Variants in KCNAB1 observed in about 807,000 individuals in gnomAD.
KCNAB1 encodes potassium voltage-gated channel subfamily A regulatory beta subunit 1.
In KCNAB1, 35 loss-of-function variants were observed where a neutral mutation model predicts 64.6. The ratio of observed to expected loss-of-function variants is 0.54; its 90% CI spans 0.41 to 0.72. The LOEUF is 0.72. Ranked by LOEUF, KCNAB1 falls within the 30% of genes least tolerant of loss-of-function variation. KCNAB1 has a pLI of 0.00. For missense variants in KCNAB1, 401 were observed against 512.9 expected (o/e 0.78, Z 2.11); for synonymous variants, 177 against 183.8 (o/e 0.96, Z 0.30).
rs1017783362 is a variant in KCNAB1, at chr3:156,437,696, G to T, written c.320-15203G>T. On this transcript the variant is annotated intron_variant, in intron 2 of 13. Coordinates refer to ENST00000490337, the MANE Select transcript of KCNAB1 (RefSeq NM_172160.3). ...ATTTGCTGCCACTGGGATTTTTGCA[G>T]AAGGTTAGTAGTACTAATAAAATGA... 2.6e-4 allele frequency among the ~76,000 whole-genome samples: 39 copies of T among 152,164 alleles called. 1 individual carries two copies. The highest frequency in any genetic ancestry group is 8.9e-4 in the African/African-American group (37 of 41,428).
intron 3 of KCNAB1, among the ~76,000 whole-genome samples, chr3:156,454,683 C>T (rs896454833): frequency 2.0e-5 from 3 of 152,106 alleles, no homozygotes; most frequent in Non-Finnish European, 4.4e-5. Flanking sequence ...CTTGAAGTCC[C>T]ATACAAAATA....
chr3:156,382,994 C>G, intron 1 of KCNAB1, among the ~76,000 whole-genome samples: 1 of 152,204 alleles, frequency 6.6e-6, no homozygotes, highest in East Asian at 1.9e-4. Context: ...GCTAGATGAT[C>G]TTTCGGGTGC....
At chr3:156,157,333 A>G (rs986919047) in intron 1 of KCNAB1, among the ~76,000 whole-genome samples, 1 of 152,224 alleles carries the variant, frequency 6.6e-6, no homozygotes, top group Non-Finnish European at 1.5e-5. Context: ...ACTTATGAAC[A>G]TATAGAAAAA....
intron 2 of KCNAB1, among the ~76,000 whole-genome samples, chr3:156,440,272 A>G (rs527680875): frequency 9.8e-4 from 149 of 152,316 alleles, no homozygotes; most frequent in African/African-American, 3.4e-3. Flanking sequence ...GTCTCTAGTT[A>G]CCTAAATTTC....
Position 156,248,100 on chromosome 3 carries a change from C to T in KCNAB1, c.275+127214C>T, listed in dbSNP as rs886660404. Among the ~76,000 whole-genome samples the T allele has an allele frequency of 6.6e-5, 10 of 152,268 alleles. No homozygotes were observed. In the Middle Eastern group the frequency reaches 0.01, roughly 155 times the overall value. ...TGCTGTCACCTTGAGAAGACTTTGT[C>T]CCTCCTGTTAATTTCTCTTCCTTAA... On this transcript the variant is annotated intron_variant, in intron 1 of 13. Coordinates refer to ENST00000490337, the MANE Select transcript of KCNAB1 (RefSeq NM_172160.3).
rs1047966131 is a variant in KCNAB1, at chr3:156,211,952, C to G, written c.275+91066C>G. Among the ~76,000 whole-genome samples, 12 of 152,304 alleles carry G rather than the reference C, an allele frequency of 7.9e-5. No homozygotes were observed. In the East Asian group the frequency reaches 2.1e-3, roughly 27 times the overall value. On this transcript the variant is annotated intron_variant, in intron 1 of 13. Transcript: ENST00000490337. ...TCTCAAGTCAAAACCGGAAGGGAAACAGGGCCAGAAGGGGTGATGCTGGCT... is the reference window on the plus strand; with the variant it reads ...TCTCAAGTCAAAACCGGAAGGGAAAGAGGGCCAGAAGGGGTGATGCTGGCT...
At chr3:156,360,072 C>T (rs1023938345) in intron 1 of KCNAB1, among the ~76,000 whole-genome samples, 1 of 152,096 alleles carries the variant, frequency 6.6e-6, no homozygotes, top group Non-Finnish European at 1.5e-5. Context: ...CTTCAGTGTT[C>T]GGTTACTATT....
chr3:156,143,936 TA>T lies in KCNAB1; in HGVS notation c.275+23051del, dbSNP rs10588686. Among the ~76,000 whole-genome samples the T allele has an allele frequency of 1.5e-3, 230 of 148,788 alleles. 1 individual carries two copies. The highest frequency in any genetic ancestry group is 5.7e-3 in the African/African-American group (224 of 39,546). On this transcript the variant is annotated intron_variant, in intron 1 of 13. Transcript: ENST00000490337. The stretch of plus-strand genomic sequence containing the variant: ...TTATTTATTTATTTATTTATTTATT[TA>T]TTTTTTAAATCAGTGTCACCCAAGA...
intron 1 of KCNAB1, among the ~76,000 whole-genome samples, chr3:156,389,327 C>T (rs1181487915): frequency 6.6e-6 from 1 of 152,204 alleles, no homozygotes; most frequent in Non-Finnish European, 1.5e-5. Flanking sequence ...AGAAGCTCCT[C>T]GCCTTGCCAT....
At chr3:156,154,075 G>A (rs1269012660) in intron 1 of KCNAB1, among the ~76,000 whole-genome samples, 2 of 152,142 alleles carry the variant, frequency 1.3e-5, no homozygotes, top group Non-Finnish European at 2.9e-5. Flanking sequence ...TGCTGCCCAG[G>A]CCTATTCATA....
intron 1 of KCNAB1, among the ~76,000 whole-genome samples, chr3:156,303,025 C>T (rs1721260531): frequency 1.3e-5 from 2 of 152,200 alleles, no homozygotes; most frequent in African/African-American, 2.4e-5. Context: ...CACGCTGTCC[C>T]TGCTTTGTTC....
chr3:156,509,511 A>G (rs1276283127), intron 8 of KCNAB1, among the ~76,000 whole-genome samples: 2 of 152,170 alleles, frequency 1.3e-5, no homozygotes, highest in African/African-American at 4.8e-5. Context: ...TTAAATTATT[A>G]TCGATGCTGG....
intron 1 of KCNAB1, among the ~76,000 whole-genome samples, chr3:156,404,700 C>T (rs1015286965): frequency 1.3e-5 from 2 of 152,140 alleles, no homozygotes; most frequent in African/African-American, 4.8e-5. Flanking sequence ...TGGTACGTCC[C>T]GGTGCAAGTG....
At chr3:156,227,433 T>G (rs1304319599) in intron 1 of KCNAB1, among the ~76,000 whole-genome samples, 1 of 152,170 alleles carries the variant, frequency 6.6e-6, no homozygotes, top group Non-Finnish European at 1.5e-5. Context: ...TCCAAGCAGC[T>G]AAAAAAGACT....
intron 13 of KCNAB1, among the ~76,000 whole-genome samples, chr3:156,535,770 G>T (rs562915067): frequency 6.7e-6 from 1 of 149,706 alleles, no homozygotes; most frequent in Non-Finnish European, 1.5e-5. Flanking sequence ...AGGCCCTATT[G>T]CCTGGCTTGG....
intron 1 of KCNAB1, among the ~76,000 whole-genome samples, chr3:156,211,118 C>A (rs890688175): frequency 6.6e-6 from 1 of 151,994 alleles, no homozygotes; most frequent in African/African-American, 2.4e-5. Flanking sequence ...AAAAGGGGTG[C>A]AGTGGAGTGT....
intron 1 of KCNAB1, among the ~76,000 whole-genome samples, chr3:156,340,709 C>T (rs1724045052): frequency 6.6e-6 from 1 of 152,190 alleles, no homozygotes; most frequent in Non-Finnish European, 1.5e-5. Flanking sequence ...GAATCACCAC[C>T]TCCATCTTCA....
chr3:156,378,913 C>T (rs2108142747), intron 1 of KCNAB1, among the ~76,000 whole-genome samples: 1 of 152,246 alleles, frequency 6.6e-6, no homozygotes, highest in South Asian at 2.1e-4. Flanking sequence ...GGAATGTCCC[C>T]CAGTGCCTCA....
intron 1 of KCNAB1, among the ~76,000 whole-genome samples, chr3:156,289,968 C>T (rs1029604782): frequency 6.6e-6 from 1 of 152,114 alleles, no homozygotes. Flanking sequence ...TTTTCATGTA[C>T]CAGGCAAAGT....
Sources: gnomAD v4.1 joint callset for allele counts (sites outside exome capture counted in the v4.1 genomes callset) on GRCh38, gnomAD v4.1.1 for gene constraint, MANE v1.5 for transcripts, NCBI Gene and HGNC (gene_info 2026-07-23, HGNC 2026-07-21) for gene names.